The following SYNE2 variants were observed in gnomAD, a reference collection of about 807,000 sequenced individuals.
The protein encoded by SYNE2 is spectrin repeat containing nuclear envelope protein 2.
In SYNE2, 431 loss-of-function variants were observed where a neutral mutation model predicts 856.3. The ratio of observed to expected loss-of-function variants is 0.50; its 90% CI spans 0.47 to 0.55. The LOEUF is 0.55. Ranked by LOEUF, SYNE2 falls within the 20% of genes least tolerant of loss-of-function variation. The pLI is 0.00. For missense variants in SYNE2, 8,129 were observed against 8,023.2 expected, an observed-to-expected ratio of 1.01 and a Z score of -0.50; for synonymous variants, 2,923 against 2,872.3, an observed-to-expected ratio of 1.02 and a Z score of -0.56.
At chr14:64,035,082 T>G (rs1462051120) in intron 45 of SYNE2, among the ~76,000 whole-genome samples, 1 of 151,890 alleles carries the variant, frequency 6.6e-6, no homozygotes, top group African/African-American at 2.4e-5. Context: ...CTTCTTTGAT[T>G]TCCTTATCAT....
chr14:64,211,304 C>G (rs901825708), intron 103 of SYNE2, among the ~76,000 whole-genome samples: 10 of 152,212 alleles, frequency 6.6e-5, no homozygotes, highest in Admixed American at 1.3e-4. Context: ...TCCTGCCGAT[C>G]TGGCTGTGGC....
chr14:64,122,424 T>A lies in SYNE2; in HGVS notation c.13419T>A (p.Pro4473=). The A allele has an allele frequency of 6.2e-7, 1 of 1,614,186 alleles. No individual in the cohort carries two copies. The highest frequency in any genetic ancestry group is 8.5e-7 in the Non-Finnish European group (1 of 1,180,030). ...IKLPLPQLVE[P]QVSTNMGILP... is the part of the protein sequence containing the mutation. ...TCCCACTCCCTCAGCTTGTGGAGCC[T>A]CAGGTCAGTCTGTATCTACATGGTG... The change falls in exon 70 of 116, where the codon CCT becomes CCA. Residue 4473 remains proline (P), a synonymous_variant. Coordinates refer to ENST00000555002, the MANE Select transcript of SYNE2 (RefSeq NM_182914.3).
chr14:64,067,041 A>C (rs2097363438), intron 51 of SYNE2, among the ~76,000 whole-genome samples: 1 of 152,200 alleles, frequency 6.6e-6, no homozygotes. Flanking sequence ...GGCTAATTCT[A>C]AGATTTTGCT....
chr14:63,847,199 C>T (rs1039342693), intron 1 of SYNE2, among the ~76,000 whole-genome samples: 1 of 151,370 alleles, frequency 6.6e-6, no homozygotes, highest in Non-Finnish European at 1.5e-5. Flanking sequence ...AGTACCAGTA[C>T]TTTGAGAGGC....
chr14:63,945,103 C>A (rs1193405362), intron 6 of SYNE2, among the ~76,000 whole-genome samples: 1 of 77,438 alleles, frequency 1.3e-5, no homozygotes, highest in East Asian at 3.2e-4. Flanking sequence ...CCACACCTGG[C>A]CTTTTTTTTT....
Position 64,062,808 on chromosome 14 carries a change from C to T in SYNE2, c.10125C>T (p.Leu3375=). Residue 3375 remains leucine, a synonymous_variant, in exon 50 of 116, where the codon CTC becomes CTT. Transcript: ENST00000555002. The part of the protein sequence containing the change: ...RKMEEDIYTN[L]SKMETVLGQS... ...TGGAAGAGGATATTTACACTAACCT[C>T]AGCAAAATGGAGACAGTTCTTGGAC... The T allele has an allele frequency of 6.2e-7, 1 of 1,614,056 alleles. No individual in the cohort carries two copies. Among genetic ancestry groups the T allele is most frequent in the South Asian group, 1.1e-5 (1 of 91,080 alleles).
intron 2 of SYNE2, among the ~76,000 whole-genome samples, chr14:63,939,963 T>C (rs1180483539): frequency 3.9e-5 from 6 of 152,212 alleles, no homozygotes; most frequent in Non-Finnish European, 5.9e-5. Context: ...TCTGGGGTCA[T>C]CTTTACTAAA....
Position 64,225,536 on chromosome 14 carries a change from C to T in SYNE2, c.*10C>T. 6.2e-7 allele frequency: 1 copy of T among 1,613,242 alleles called. No individual in the cohort carries two copies. On this transcript the variant is annotated 3_prime_UTR_variant, in exon 116 of 116. Coordinates refer to ENST00000555002, the MANE Select transcript of SYNE2 (RefSeq NM_182914.3). The stretch of plus-strand genomic sequence containing the variant: ...GCCACCCCCCACATAGAGGGCATAG[C>T]TGGCCACAGTGCTACACCACCTGCC...
rs79545859 is a variant in SYNE2, at chr14:64,032,419, G to T, written c.7221+1062G>T. ...CCAAAAAATAATAATATTAATAACC[G>T]GGCATGACAGTGCACATCTGTTATC... On this transcript the variant is annotated intron_variant, in intron 45 of 115. Transcript: ENST00000555002. Among the ~76,000 whole-genome samples, 1,453 of 152,064 alleles carry T rather than the reference G, an allele frequency of 9.6e-3. 19 individuals are homozygous for T. Among genetic ancestry groups the T allele is most frequent in the African/African-American group, 0.033 (1,386 of 41,466 alleles).
At chr14:63,981,577 C>T (rs986293505) in intron 16 of SYNE2, among the ~76,000 whole-genome samples, 2 of 152,084 alleles carry the variant, frequency 1.3e-5, no homozygotes, top group Non-Finnish European at 2.9e-5. Flanking sequence ...TGGTTGAAAC[C>T]TTTCAGCTCT....
chr14:63,982,385 G>T (rs1346482310), intron 16 of SYNE2, among the ~76,000 whole-genome samples: 1 of 152,108 alleles, frequency 6.6e-6, no homozygotes, highest in Non-Finnish European at 1.5e-5. Context: ...GACCAACAGG[G>T]ATGGCAGACT....
chr14:63,773,509 A>G (rs146696170), intron 1 of SYNE2, among the ~76,000 whole-genome samples: 117 of 152,270 alleles, frequency 7.7e-4, no homozygotes, highest in Non-Finnish European at 1.3e-3. Context: ...CTAATACGCT[A>G]CATTTTTTAA....
At chr14:63,788,989 G>T (rs1887639100) in intron 1 of SYNE2, among the ~76,000 whole-genome samples, 1 of 152,146 alleles carries the variant, frequency 6.6e-6, no homozygotes, top group African/African-American at 2.4e-5. Context: ...AATAGATAAA[G>T]AAAATGTGGT....
intron 96 of SYNE2, among the ~76,000 whole-genome samples, chr14:64,178,083 A>G (rs1042570462): frequency 2.1e-4 from 32 of 152,180 alleles, no homozygotes; most frequent in Admixed American, 1.8e-3. Context: ...TGATGTTTAA[A>G]AGACATTGAG....
At chr14:63,804,705 G>A (rs1240239061) in intron 1 of SYNE2, among the ~76,000 whole-genome samples, 1 of 152,078 alleles carries the variant, frequency 6.6e-6, no homozygotes, top group Admixed American at 6.6e-5. Flanking sequence ...TGTTGGTCAG[G>A]CTGATCTCGA....
At chr14:64,009,338 C>A (rs1446986711) in intron 31 of SYNE2, among the ~76,000 whole-genome samples, 2 of 152,010 alleles carry the variant, frequency 1.3e-5, no homozygotes, top group Non-Finnish European at 2.9e-5. Context: ...GAGTTCACGA[C>A]CAGCCCGGCC....
chr14:64,100,830 G>C lies in SYNE2; in HGVS notation c.12382-1102G>C, dbSNP rs367975657. On this transcript the variant is annotated intron_variant, in intron 63 of 115. Transcript: ENST00000555002. The stretch of plus-strand genomic sequence containing the variant: ...ACATTTTTGTAATCCCTGGTCGCTG[G>C]TAACCATTGTTTTATTTTCTGCTTC... Among the ~76,000 whole-genome samples the C allele has an allele frequency of 1.4e-3, 212 of 149,406 alleles. 6 individuals carry two copies. The South Asian group carries it at 0.044, about 31-fold the overall frequency.
chr14:64,190,576 A>G, intron 99 of SYNE2: 4 of 701,264 alleles, frequency 5.7e-6, no homozygotes, highest in Non-Finnish European at 1.0e-5. Flanking sequence ...CCCACAGTGG[A>G]GCCATGCCCG....
At chr14:63,940,821 C>T (rs1273813558) in intron 3 of SYNE2, 146 bp downstream of exon 3, 1 of 728,940 alleles carries the variant, frequency 1.4e-6, no homozygotes, top group African/African-American at 1.8e-5. Context: ...AAAGAATGTG[C>T]TAAAAGTTGT....
Sources: allele counts gnomAD v4.1 joint callset (sites outside exome capture counted in the v4.1 genomes callset), GRCh38; gene constraint gnomAD v4.1.1; transcripts MANE v1.5; gene names NCBI Gene and HGNC (gene_info 2026-07-23, HGNC 2026-07-21).